The following RUFY3 variants were observed in gnomAD, a reference collection of about 807,000 sequenced individuals.
The protein encoded by RUFY3 is protein RUFY3.
Under a neutral mutation model 84.0 loss-of-function variants are expected in RUFY3, and 34 were observed. The ratio of observed to expected loss-of-function variants is 0.40; its 90% confidence interval spans 0.31 to 0.54. RUFY3 has a LOEUF of 0.54. Ranked by LOEUF, RUFY3 falls within the 20% of genes least tolerant of loss-of-function variation. The pLI is 0.39. For synonymous variants in RUFY3, 242 were observed against 252.9 expected, an observed-to-expected ratio of 0.96 and a Z score of 0.41; for missense variants, 507 against 736.8, an observed-to-expected ratio of 0.69 and a Z score of 3.61.
At chr4:70,772,290 C>T (rs1194272926) in intron 5 of RUFY3, among the ~76,000 whole-genome samples, 3 of 152,140 alleles carry the variant, frequency 2.0e-5, no homozygotes, top group Non-Finnish European at 4.4e-5. Flanking sequence ...CAAGCCCTTA[C>T]AGTCAGCCCT....
At chr4:70,787,187 A>AAAAAAAATAT (rs1553920475) in intron 10 of RUFY3, among the ~76,000 whole-genome samples, 1 of 81,476 alleles carries the variant, frequency 1.2e-5, no homozygotes, top group African/African-American at 5.2e-5. Flanking sequence ...AAAAAAAAAA[A>AAAAAAAATAT]ATATATATAT....
At chr4:70,799,144 CA>C (rs547398917) in intron 14 of RUFY3, among the ~76,000 whole-genome samples, 1,908 of 64,128 alleles carry the variant, frequency 0.03, 35 homozygotes, top group African/African-American at 0.087. Context: ...GACTCCGTCT[CA>C]AAAAAAAAAA....
At chr4:70,742,371 C>A (rs1363666782) in intron 1 of RUFY3, among the ~76,000 whole-genome samples, 2 of 152,088 alleles carry the variant, frequency 1.3e-5, no homozygotes, top group Non-Finnish European at 2.9e-5. Context: ...TACATGTTCC[C>A]GCTTTGCTGT....
At chr4:70,755,779 G>GT (rs1393290993) in intron 1 of RUFY3, among the ~76,000 whole-genome samples, 1 of 151,968 alleles carries the variant, frequency 6.6e-6, no homozygotes, top group African/African-American at 2.4e-5. Flanking sequence ...GTGAAACTCC[G>GT]TATCTACTAA....
At chr4:70,773,606 T>C (rs1727346878) in intron 6 of RUFY3, 34 bp downstream of exon 6, 1 of 1,469,196 alleles carries the variant, frequency 6.8e-7, no homozygotes, top group South Asian at 1.2e-5. Flanking sequence ...TCTTTTCTCC[T>C]GATGTAGCAT....
chr4:70,776,126 A>AC (rs1324939920), intron 7 of RUFY3, among the ~76,000 whole-genome samples: 3 of 152,120 alleles, frequency 2.0e-5, no homozygotes, highest in East Asian at 1.9e-4. Context: ...ACATTCTAAG[A>AC]CCCCCAAAGG....
At chr4:70,756,307 A>C (rs948124810) in intron 1 of RUFY3, among the ~76,000 whole-genome samples, 2 of 152,046 alleles carry the variant, frequency 1.3e-5, no homozygotes, top group African/African-American at 4.8e-5. Context: ...CTCAGCTTTG[A>C]GTTCATGCAC....
chr4:70,782,350 G>A (rs1287683011), intron 8 of RUFY3, among the ~76,000 whole-genome samples: 1 of 148,826 alleles, frequency 6.7e-6, no homozygotes, highest in African/African-American at 2.5e-5. Flanking sequence ...GCAGTGGCGC[G>A]ATCTTGATCT....
chr4:70,793,991 C>T (rs953200762), intron 13 of RUFY3, 87 bp downstream of exon 13: 1 of 1,471,744 alleles, frequency 6.8e-7, no homozygotes, highest in South Asian at 1.3e-5. Context: ...TGACTTCCAG[C>T]CAGGTTGGCT....
intron 5 of RUFY3, among the ~76,000 whole-genome samples, chr4:70,769,190 T>TA (rs1426067214): frequency 1.3e-5 from 2 of 151,950 alleles, no homozygotes; most frequent in Non-Finnish European, 2.9e-5. Flanking sequence ...CTACAAAAAA[T>TA]AAAAAATTAG....
intron 12 of RUFY3, among the ~76,000 whole-genome samples, chr4:70,790,472 A>G (rs1482618046): frequency 3.9e-5 from 6 of 152,192 alleles, no homozygotes; most frequent in African/African-American, 1.2e-4. Flanking sequence ...CCAATTAGAA[A>G]TGTCCTAATT....
In RUFY3 at chr4:70,759,413, CTTTA is replaced by C. The variant is rs146350808; in HGVS notation, c.179-3103_179-3100del. On this transcript the variant is annotated intron_variant, in intron 1 of 17. Coordinates refer to ENST00000381006, the MANE Select transcript of RUFY3 (RefSeq NM_001037442.4). ...GTGTGTGTGTGTGTATACCACATTT[CTTTA>C]TTCATGTTGATGACACTTAGGTTGA... Among the ~76,000 whole-genome samples, 450 of 149,616 alleles carry C rather than the reference CTTTA, an allele frequency of 3.0e-3. 3 individuals carry two copies. The highest frequency in any genetic ancestry group is 0.011 in the African/African-American group (435 of 40,546).
chr4:70,772,159 T>C (rs115242948), intron 5 of RUFY3, among the ~76,000 whole-genome samples: 1,835 of 150,886 alleles, frequency 0.012, 30 homozygotes, highest in African/African-American at 0.042. Flanking sequence ...ATATATATAG[T>C]ATATAGGTGG....
intron 1 of RUFY3, among the ~76,000 whole-genome samples, chr4:70,757,091 G>A (rs1172956131): frequency 1.3e-5 from 2 of 151,718 alleles, no homozygotes; most frequent in African/African-American, 4.8e-5. Flanking sequence ...GCAACATAGG[G>A]AGACCCTGTC....
chr4:70,768,736 T>G, intron 5 of RUFY3, 75 bp downstream of exon 5: 5 of 1,404,812 alleles, frequency 3.6e-6, no homozygotes, highest in Non-Finnish European at 4.9e-6. Flanking sequence ...GATTAGGTTA[T>G]ACCAACCAAA....
At chr4:70,754,488 AG>A (rs1723654393) in intron 1 of RUFY3, among the ~76,000 whole-genome samples, 1 of 152,138 alleles carries the variant, frequency 6.6e-6, no homozygotes. Context: ...TTATGGATAT[AG>A]ATATATAGAT....
At chr4:70,798,068 G>A (rs1366393899) in intron 14 of RUFY3, among the ~76,000 whole-genome samples, 1 of 151,860 alleles carries the variant, frequency 6.6e-6, no homozygotes, top group African/African-American at 2.4e-5. Context: ...TGATTCTTGA[G>A]TGGTGTAAGA....
In RUFY3 at chr4:70,743,948, G is replaced by A. The variant is rs112928019; in HGVS notation, c.179-18571G>A. ...CCAGCATTTCACACAACTGTATTAC[G>A]TAACTTGGAGATGTTATAAATAAGT... On this transcript the variant is annotated intron_variant, in intron 1 of 17. Coordinates refer to ENST00000381006, the MANE Select transcript of RUFY3 (RefSeq NM_001037442.4). Among the ~76,000 whole-genome samples, 1,178 of 152,198 alleles carry A rather than the reference G, an allele frequency of 7.7e-3. 22 individuals are homozygous for A. Among genetic ancestry groups the A allele is most frequent in the African/African-American group, 0.024 (1,013 of 41,514 alleles).
chr4:70,753,954 C>A (rs1304584347), intron 1 of RUFY3, among the ~76,000 whole-genome samples: 1 of 152,118 alleles, frequency 6.6e-6, no homozygotes, highest in African/African-American at 2.4e-5. Flanking sequence ...GTATATTAAT[C>A]CTTTCTGATG....
Sources: allele counts gnomAD v4.1 joint callset (sites outside exome capture counted in the v4.1 genomes callset), GRCh38; gene constraint gnomAD v4.1.1; transcripts MANE v1.5; gene names NCBI Gene and HGNC (gene_info 2026-07-23, HGNC 2026-07-21).